NACC2: variants seen among roughly 807,000 people sequenced by gnomAD.
The protein encoded by NACC2 is NACC family member 2, also known as nucleus accumbens-associated protein 2.
NACC2 carries 8 observed loss-of-function variants against 25.1 expected under a neutral mutation model. The ratio of observed to expected loss-of-function variants is 0.32; its 90% CI spans 0.19 to 0.57. The LOEUF (loss-of-function observed/expected upper bound fraction) is 0.57, where lower values mean the gene tolerates loss of function less well. Among genes scored for constraint, NACC2 ranks in the 20% least tolerant of loss-of-function variants. The pLI is 0.89. For synonymous variants in NACC2, 435 were observed against 294.7 expected, an observed-to-expected ratio of 1.48 and a Z score of -4.88; for missense variants, 644 against 650.2, an observed-to-expected ratio of 0.99 and a Z score of 0.10.
intron 1 of NACC2, among the ~76,000 whole-genome samples, chr9:136,089,105 C>G (rs1830409245): frequency 6.6e-6 from 1 of 152,204 alleles, no homozygotes; most frequent in South Asian, 2.1e-4. Context: ...ACCACCTGAC[C>G]AGCTTTCAGT....
intron 1 of NACC2, among the ~76,000 whole-genome samples, chr9:136,082,470 G>A (rs925080234): frequency 3.3e-5 from 5 of 152,222 alleles, no homozygotes; most frequent in Non-Finnish European, 5.9e-5. Context: ...ACCTGTGAGA[G>A]GTCTGGGCAG....
At chr9:136,044,691 C>T (rs1215268035) in intron 2 of NACC2, among the ~76,000 whole-genome samples, 1 of 152,258 alleles carries the variant, frequency 6.6e-6, no homozygotes, top group Non-Finnish European at 1.5e-5. Context: ...CCTCTTCTTG[C>T]TTCTCTCTGG....
At chr9:136,041,378 C>G (rs1320709947) in intron 2 of NACC2, among the ~76,000 whole-genome samples, 4 of 151,700 alleles carry the variant, frequency 2.6e-5, no homozygotes, top group Non-Finnish European at 5.9e-5. Flanking sequence ...CGAGATCGCA[C>G]CACTGCACTC....
chr9:136,056,048 G>A (rs146089445), intron 1 of NACC2, among the ~76,000 whole-genome samples: 79 of 152,054 alleles, frequency 5.2e-4, no homozygotes, highest in Non-Finnish European at 1.1e-3. Flanking sequence ...CAGGCTCCAG[G>A]AGGATTTGCT....
rs1433017800 is a variant in NACC2, at chr9:136,007,500, C to G, written c.*4016G>C. The G allele has an allele frequency of 6.7e-6, 1 of 149,844 alleles. No individual in the cohort carries two copies. The highest frequency in any genetic ancestry group is 2.5e-5 in the African/African-American group (1 of 40,266). The allele number at this position is 149,844 out of a possible 1,614,324, so 9.3% of individuals were successfully genotyped here. On this transcript the variant is annotated 3_prime_UTR_variant, in exon 6 of 6. Transcript: ENST00000277554. ...AGACGCACACACGCACAGACACACA[C>G]ATGCACAGACGCGCACACACAGACG...
At chr9:136,035,685 A>G (rs1425522759) in intron 2 of NACC2, among the ~76,000 whole-genome samples, 1 of 151,122 alleles carries the variant, frequency 6.6e-6, no homozygotes, top group Non-Finnish European at 1.5e-5. Context: ...GCGTACTGTG[A>G]TTATATAAGA....
chr9:136,093,273 G>A lies in NACC2; in HGVS notation c.-60+1916C>T, dbSNP rs573849894. Among the ~76,000 whole-genome samples, 26 of 152,372 alleles carry A rather than the reference G, an allele frequency of 1.7e-4. No homozygotes were observed. The South Asian group carries it at 2.1e-3, about 12-fold the overall frequency. ...GCTCAGCACCAAGATCGTCACTGTT[G>A]TTTCATGAATAATGCAGCCTCATGC... On this transcript the variant is annotated intron_variant, in intron 1 of 5. Coordinates refer to ENST00000277554, the MANE Select transcript of NACC2 (RefSeq NM_144653.5).
intron 1 of NACC2, among the ~76,000 whole-genome samples, chr9:136,060,486 G>GCCAGGC (rs1840994188): frequency 1.3e-5 from 2 of 152,236 alleles, no homozygotes; most frequent in Non-Finnish European, 1.5e-5. Flanking sequence ...AGAAGACAGG[G>GCCAGGC]CCAGGCCCAG....
chr9:136,093,320 G>A (rs1466264246), intron 1 of NACC2, among the ~76,000 whole-genome samples: 2 of 152,202 alleles, frequency 1.3e-5, no homozygotes, highest in Non-Finnish European at 2.9e-5. Flanking sequence ...AACAAAGGGA[G>A]GATTGAAGAA....
intron 2 of NACC2, among the ~76,000 whole-genome samples, chr9:136,027,459 T>C (rs1840409983): frequency 6.6e-6 from 1 of 152,186 alleles, no homozygotes; most frequent in African/African-American, 2.4e-5. Flanking sequence ...ATATGGAACA[T>C]ATACAGGGGC....
At chr9:136,065,214 G>T (rs1310423852) in intron 1 of NACC2, among the ~76,000 whole-genome samples, 1 of 152,226 alleles carries the variant, frequency 6.6e-6, no homozygotes, top group Non-Finnish European at 1.5e-5. Context: ...GACCAGGTGA[G>T]GTGGCTCACA....
intron 1 of NACC2, among the ~76,000 whole-genome samples, chr9:136,092,109 G>C (rs1032104495): frequency 6.6e-6 from 1 of 152,240 alleles, no homozygotes; most frequent in African/African-American, 2.4e-5. Flanking sequence ...GCCCAGTGGG[G>C]AGACAAGAGT....
rs561295921 is a variant in NACC2 at position 136,013,652 on chromosome 9, C to A, written c.1157+212G>T. On this transcript the variant is annotated intron_variant, in intron 4 of 5. Coordinates refer to ENST00000277554, the MANE Select transcript of NACC2 (RefSeq NM_144653.5). The surrounding 1 kb of genome is among the most constrained non-coding windows in gnomAD (Gnocchi z 6.6). ...TTTTCTGTTGTGGGGGTTGCATCCA[C>A]AAGCCCGTTTGAGAAAGGCCACGAA... is the stretch of plus-strand genomic sequence containing the variant. Among the ~76,000 whole-genome samples, 1 of 152,186 alleles carries A rather than the reference C, an allele frequency of 6.6e-6. No homozygotes were observed. Among genetic ancestry groups the A allele is most frequent in the African/African-American group, 2.4e-5 (1 of 41,446 alleles).
At chr9:136,028,079 G>A (rs1298469095) in intron 2 of NACC2, among the ~76,000 whole-genome samples, 1 of 152,076 alleles carries the variant, frequency 6.6e-6, no homozygotes, top group African/African-American at 2.4e-5. Flanking sequence ...GGCCAACATG[G>A]TGAAACCCCC....
At chr9:136,028,019 G>A (rs1396951219) in intron 2 of NACC2, among the ~76,000 whole-genome samples, 1 of 152,100 alleles carries the variant, frequency 6.6e-6, no homozygotes, top group African/African-American at 2.4e-5. Flanking sequence ...CAGCACTTTG[G>A]GAGGCCAAGG....
In NACC2 at chr9:136,063,739, C is replaced by T. The variant is rs1470937087; in HGVS notation, c.-59-13159G>A. Among the ~76,000 whole-genome samples, 4 of 152,012 alleles carry T rather than the reference C, an allele frequency of 2.6e-5. No individual in the cohort carries two copies. The South Asian group carries it at 8.3e-4, about 32-fold the overall frequency. ...CTCTACTAAAAATAGAAAAATTAGC[C>T]AGGTGTGGTGGTGGGCGCCTATTAT... On this transcript the variant is annotated intron_variant, in intron 1 of 5. Coordinates refer to ENST00000277554, the MANE Select transcript of NACC2 (RefSeq NM_144653.5).
chr9:136,017,131 G>A (rs1341355424), intron 2 of NACC2, among the ~76,000 whole-genome samples: 1 of 152,228 alleles, frequency 6.6e-6, no homozygotes, highest in African/African-American at 2.4e-5. Flanking sequence ...CACCGCCACC[G>A]CCACCAGGGG....
rs554530348 is a variant in NACC2, at chr9:136,006,649, G to C, written c.*4867C>G. ...GATTTCCACTGTCTGAAACGGCTCT[G>C]AGCACGCTTGAAGCCCTCGGTTTCC... On this transcript the variant is annotated 3_prime_UTR_variant, in exon 6 of 6. Coordinates refer to ENST00000277554, the MANE Select transcript of NACC2 (RefSeq NM_144653.5). 1 of 152,352 alleles carries C rather than the reference G, an allele frequency of 6.6e-6. No individual in the cohort carries two copies. Among genetic ancestry groups the C allele is most frequent in the Admixed American group, 6.5e-5 (1 of 15,300 alleles). 9.4% of individuals were successfully genotyped at this position (152,352 alleles called of 1,614,324 possible).
chr9:136,026,294 G>A (rs12376241), intron 2 of NACC2, among the ~76,000 whole-genome samples: 2 of 130,514 alleles, frequency 1.5e-5, no homozygotes, highest in Non-Finnish European at 1.5e-5. Flanking sequence ...AGTGAACCAA[G>A]ATGGCACCAC....
Sources: gnomAD v4.1 joint callset for allele counts (sites outside exome capture counted in the v4.1 genomes callset) on GRCh38, gnomAD v4.1.1 for gene constraint, Gnocchi (gnomAD v3.1) non-coding constraint, MANE v1.5 for transcripts, NCBI Gene and HGNC (gene_info 2026-07-23, HGNC 2026-07-21) for gene names.